The following HCN1 variants were observed in gnomAD, a reference collection of about 807,000 sequenced individuals.
HCN1 encodes the protein potassium/sodium hyperpolarization-activated cyclic nucleotide-gated channel 1.
In HCN1, 13 loss-of-function variants were observed where a neutral mutation model predicts 78.9. The observed-to-expected ratio is 0.16, with a 90% CI of 0.11 to 0.26. The LOEUF is 0.26. HCN1 is among the 10% of genes least tolerant of loss of function. The pLI is 1.00. For synonymous variants in HCN1, 552 were observed against 455.5 expected (o/e 1.21, Z -2.70); for missense variants, 810 against 1,154.3 (o/e 0.70, Z 4.32).
chr5:45,469,849 T>C (rs1741353236), intron 2 of HCN1, among the ~76,000 whole-genome samples: 1 of 151,636 alleles, frequency 6.6e-6, no homozygotes, highest in Admixed American at 6.6e-5. Context: ...AGAAAACTAA[T>C]AGACAAATTA....
chr5:45,309,795 A>G lies in HCN1; in HGVS notation c.1378-5956T>C, dbSNP rs942275276. ...GCATTTTGTTGAGGATATTTGCATC[A>G]ATGTTCATCAAGGATATTGGGCTGA... On this transcript the variant is annotated intron_variant, in intron 5 of 7. Transcript: ENST00000303230. Among the ~76,000 whole-genome samples, 3 of 152,074 alleles carry G rather than the reference A, an allele frequency of 2.0e-5. No homozygotes were observed. The East Asian group carries it at 5.8e-4, about 29-fold the overall frequency.
chr5:45,678,156 T>G (rs1249274893), intron 1 of HCN1, among the ~76,000 whole-genome samples: 2 of 151,912 alleles, frequency 1.3e-5, no homozygotes, highest in Non-Finnish European at 2.9e-5. Context: ...AAATAAGTGA[T>G]GGCTACTTAT....
chr5:45,536,006 T>G (rs753816180), intron 2 of HCN1, among the ~76,000 whole-genome samples: 12 of 152,184 alleles, frequency 7.9e-5, no homozygotes, highest in Admixed American at 2.6e-4. Context: ...TGGTTGTTGT[T>G]TTTTAGTTTT....
In HCN1 at chr5:45,461,682, A is replaced by G. The variant is rs567884333; in HGVS notation, c.1011+164T>C. On this transcript the variant is annotated intron_variant, in intron 3 of 7. Transcript: ENST00000303230. ...AGTCAATTAGTAAAATTTAGTTGTAACCACCCTCCACAAACATAACATCTG... is the reference window on the plus strand; with the variant it reads ...AGTCAATTAGTAAAATTTAGTTGTAGCCACCCTCCACAAACATAACATCTG... Among the ~76,000 whole-genome samples the G allele has an allele frequency of 1.1e-4, 17 of 152,298 alleles. 1 individual carries two copies. In the South Asian group the frequency reaches 3.5e-3, roughly 32 times the overall value.
intron 2 of HCN1, among the ~76,000 whole-genome samples, chr5:45,578,404 A>ATTGTTTTTT (rs1324698400): frequency 6.6e-6 from 1 of 151,852 alleles, no homozygotes; most frequent in African/African-American, 2.4e-5. Flanking sequence ...TGCAGCACAT[A>ATTGTTTTTT]TTGTTTATTT....
chr5:45,367,105 G>A (rs1034569527), intron 4 of HCN1, among the ~76,000 whole-genome samples: 1 of 151,736 alleles, frequency 6.6e-6, no homozygotes, highest in Non-Finnish European at 1.5e-5. Context: ...AGAGTAAGGA[G>A]ATGTTATTAG....
In HCN1 at chr5:45,262,028, C is replaced by G; in HGVS notation, c.2566G>C (p.Val856Leu). ...GCTGGTGGAGGGGGTGCTGGAGGGACTCCTCGGTTCGGGGGGATGGCTCCC... is the reference window on the plus strand; with the variant it reads ...GCTGGTGGAGGGGGTGCTGGAGGGAGTCCTCGGTTCGGGGGGATGGCTCCC... ...SSGAIPPNRG[V>L]PPAPPPPAAA... The change falls in exon 8 of 8, where the codon GTC becomes CTC. Residue 856 changes from valine (V) to leucine (L), a missense_variant. This residue lies in a region of HCN1 where 398 missense variants were observed against 381.3 expected (regional missense o/e 1.04). Transcript: ENST00000303230. The G allele has an allele frequency of 6.2e-7, 1 of 1,614,044 alleles. No homozygotes were observed. Among genetic ancestry groups the G allele is most frequent in the African/African-American group, 1.3e-5 (1 of 75,028 alleles).
At chr5:45,460,433 A>T (rs1211390980) in intron 3 of HCN1, among the ~76,000 whole-genome samples, 1 of 152,058 alleles carries the variant, frequency 6.6e-6, no homozygotes, top group Non-Finnish European at 1.5e-5. Context: ...TTTATAAATT[A>T]CCCAGTCCAT....
intron 6 of HCN1, among the ~76,000 whole-genome samples, chr5:45,289,064 G>T (rs1256167622): frequency 6.6e-6 from 1 of 151,954 alleles, no homozygotes; most frequent in Non-Finnish European, 1.5e-5. Context: ...TGTGTTTTTG[G>T]GGGGCATTAT....
At chr5:45,573,002 C>T (rs938217652) in intron 2 of HCN1, among the ~76,000 whole-genome samples, 2 of 152,122 alleles carry the variant, frequency 1.3e-5, no homozygotes, top group East Asian at 1.9e-4. Flanking sequence ...TTTGAGCAAA[C>T]ACCTGCATTA....
chr5:45,366,164 T>TTG (rs10642474), intron 4 of HCN1, among the ~76,000 whole-genome samples: 9,556 of 146,896 alleles, frequency 0.065, 362 homozygotes, highest in East Asian at 0.14. Context: ...ATTATAGCAT[T>TTG]TGTGTGTGTG....
chr5:45,435,953 C>A (rs984712848), intron 3 of HCN1, among the ~76,000 whole-genome samples: 14 of 152,070 alleles, frequency 9.2e-5, no homozygotes, highest in Non-Finnish European at 1.0e-4. Flanking sequence ...GTTCTATAGA[C>A]CCCCGCCAAT....
intron 2 of HCN1, among the ~76,000 whole-genome samples, chr5:45,496,422 G>C (rs1367321511): frequency 6.6e-6 from 1 of 151,960 alleles, no homozygotes; most frequent in Admixed American, 6.6e-5. Context: ...ATGGTAGTTT[G>C]AAATAGTTTC....
chr5:45,633,864 CACG>C lies in HCN1; in HGVS notation c.849+11318_849+11320del, dbSNP rs779128825. 3.2e-4 allele frequency among the ~76,000 whole-genome samples: 49 copies of C among 151,908 alleles called. 1 individual carries two copies. In the South Asian group the frequency reaches 3.3e-3, roughly 10 times the overall value. ...TTCTTCAAAAATTGCAGCATTTTAC[CACG>C]ACATGTGCTCACTAAAAATTTTTTT... On this transcript the variant is annotated intron_variant, in intron 2 of 7. Transcript: ENST00000303230.
intron 2 of HCN1, among the ~76,000 whole-genome samples, chr5:45,520,247 G>A (rs1294875201): frequency 6.6e-6 from 1 of 151,944 alleles, no homozygotes; most frequent in African/African-American, 2.4e-5. Context: ...GGCACAAAAA[G>A]TCTTAGGAAA....
intron 1 of HCN1, among the ~76,000 whole-genome samples, chr5:45,677,473 C>CA (rs1739592421): frequency 6.6e-6 from 1 of 151,670 alleles, no homozygotes; most frequent in South Asian, 2.1e-4. Context: ...AGAAAAGAAA[C>CA]AGAGACCTCC....
intron 2 of HCN1, among the ~76,000 whole-genome samples, chr5:45,595,101 T>G (rs1446697828): frequency 6.6e-6 from 1 of 152,184 alleles, no homozygotes; most frequent in Non-Finnish European, 1.5e-5. Context: ...GATATTTTTT[T>G]CCAAGTAATA....
At chr5:45,493,731 C>G (rs945342003) in intron 2 of HCN1, among the ~76,000 whole-genome samples, 2 of 151,496 alleles carry the variant, frequency 1.3e-5, no homozygotes, top group African/African-American at 4.9e-5. Flanking sequence ...GGTATATCCC[C>G]CAATGCTATC....
intron 2 of HCN1, among the ~76,000 whole-genome samples, chr5:45,548,827 T>A (rs1743290138): frequency 6.6e-6 from 1 of 151,890 alleles, no homozygotes; most frequent in South Asian, 2.1e-4. Flanking sequence ...TGTACAAAAA[T>A]CACAAGCATT....
Sources: allele counts gnomAD v4.1 joint callset (sites outside exome capture counted in the v4.1 genomes callset), GRCh38; gene constraint gnomAD v4.1.1; regional missense constraint gnomAD v4.1.1; transcripts MANE v1.5; gene names NCBI Gene and HGNC (gene_info 2026-07-23, HGNC 2026-07-21).